Variants in SLC5A3 observed in about 807,000 individuals in gnomAD.
SLC5A3 encodes the protein solute carrier family 5 member 3, also known as sodium/myo-inositol cotransporter.
In SLC5A3, 10 loss-of-function variants were observed where a neutral mutation model predicts 43.2. The ratio of observed to expected loss-of-function variants is 0.23; its 90% CI spans 0.14 to 0.39. The LOEUF (loss-of-function observed/expected upper bound fraction) is 0.39. Ranked by LOEUF, SLC5A3 falls within the 10% of genes least tolerant of loss-of-function variation. The pLI is 1.00. For synonymous variants in SLC5A3, 349 were observed against 322.0 expected (o/e 1.08, Z -0.90); for missense variants, 608 against 893.4 (o/e 0.68, Z 4.07).
At chr21:34,081,625 G>A (rs1476966590) in intron 1 of SLC5A3, among the ~76,000 whole-genome samples, 1 of 152,126 alleles carries the variant, frequency 6.6e-6, no homozygotes, top group African/African-American at 2.4e-5. Flanking sequence ...ACTTCCTAAG[G>A]ACTTTAACCT....
chr21:34,079,901 C>T (rs143441845), intron 1 of SLC5A3, among the ~76,000 whole-genome samples: 1 of 152,088 alleles, frequency 6.6e-6, no homozygotes, highest in Non-Finnish European at 1.5e-5. Flanking sequence ...TGTTGCCTAT[C>T]CCCAAAGTTG....
chr21:34,078,602 T>C (rs933576025), intron 1 of SLC5A3, among the ~76,000 whole-genome samples: 31 of 152,284 alleles, frequency 2.0e-4, no homozygotes, highest in African/African-American at 7.0e-4. Flanking sequence ...GATTATAAAA[T>C]CAGTTTCAAA....
chr21:34,093,078 T>C (rs886436196), intron 1 of SLC5A3, among the ~76,000 whole-genome samples: 2 of 152,226 alleles, frequency 1.3e-5, no homozygotes, highest in African/African-American at 4.8e-5. Flanking sequence ...ACTAGTCATC[T>C]GATTAGATTT....
chr21:34,075,133 G>T (rs764564774), intron 1 of SLC5A3, among the ~76,000 whole-genome samples: 4 of 152,244 alleles, frequency 2.6e-5, no homozygotes, highest in Middle Eastern at 3.2e-3. Flanking sequence ...TTTTTAATTA[G>T]GTGGAAGTTG....
chr21:34,088,151 T>A (rs1978490829), intron 1 of SLC5A3, among the ~76,000 whole-genome samples: 1 of 152,254 alleles, frequency 6.6e-6, no homozygotes, highest in Non-Finnish European at 1.5e-5. Flanking sequence ...CTAATTCCTT[T>A]AACTTAATGT....
At chr21:34,076,050 A>G (rs1323297051) in intron 1 of SLC5A3, among the ~76,000 whole-genome samples, 2 of 152,204 alleles carry the variant, frequency 1.3e-5, no homozygotes, top group Admixed American at 6.5e-5. Context: ...ATACCTCTTT[A>G]CCCCTTTAAT....
rs1314795738 is a variant in SLC5A3 at position 34,095,819 on chromosome 21, T to G, written c.621T>G (p.Ile207Met). 1 of 1,614,068 alleles carries G rather than the reference T, an allele frequency of 6.2e-7. No individual in the cohort carries two copies. Among genetic ancestry groups the G allele is most frequent in the Admixed American group, 1.7e-5 (1 of 59,996 alleles). Residue 207 changes from isoleucine (I) to methionine (M), a missense_variant, in exon 2 of 2, where the codon ATT (isoleucine) becomes ATG (methionine). Transcript: ENST00000381151. ...TTATGATTATTAGCATAATGGAGAT[T>G]GGCGGGTTTGAGGAAGTTAAGAGAA... ...LTLMIISIME[I>M]GGFEEVKRRY... is the part of the protein sequence containing the mutation.
chr21:34,105,892 A>T lies in SLC5A3; in HGVS notation c.*8537A>T, dbSNP rs1979454519. 1 of 986,848 alleles carries T rather than the reference A, an allele frequency of 1.0e-6. No homozygotes were observed. 61.1% of individuals were successfully genotyped at this position (986,848 alleles called of 1,614,324 possible). ...TTGTAGATTTAAGATTGTTAAAATC[A>T]TGACAATTCTAACTTGTCTATTCTA... On this transcript the variant is annotated 3_prime_UTR_variant, in exon 2 of 2. Coordinates refer to ENST00000381151, the MANE Select transcript of SLC5A3 (RefSeq NM_006933.7).
At chr21:34,090,182 A>C (rs1297496066) in intron 1 of SLC5A3, among the ~76,000 whole-genome samples, 1 of 152,220 alleles carries the variant, frequency 6.6e-6, no homozygotes, top group Non-Finnish European at 1.5e-5. Flanking sequence ...AACTGGCTGG[A>C]GTTCAGGCCA....
rs147852293 is a variant in SLC5A3, at chr21:34,079,074, G to A, written c.-337+5329G>A. On this transcript the variant is annotated intron_variant, in intron 1 of 1. Coordinates refer to ENST00000381151, the MANE Select transcript of SLC5A3 (RefSeq NM_006933.7). ...GTTAATTCAGCCTCTTATCCTTTTT[G>A]TTGCTTTGAAATTAGAGCAAGAGTT... 1.4e-3 allele frequency among the ~76,000 whole-genome samples: 216 copies of A among 152,308 alleles called. 2 individuals carry two copies. The highest frequency in any genetic ancestry group is 2.4e-4 in the Non-Finnish European group (16 of 68,020).
In SLC5A3 at chr21:34,104,546, A is replaced by G. The variant is rs762488434; in HGVS notation, c.*7191A>G. 4.3e-5 allele frequency: 43 copies of G among 998,526 alleles called. No individual in the cohort carries two copies. Among genetic ancestry groups the G allele is most frequent in the Admixed American group, 6.2e-5 (1 of 16,248 alleles). 61.9% of individuals were successfully genotyped at this position (998,526 alleles called of 1,614,324 possible). A position where few individuals can be genotyped will look rare whatever the true frequency, so the allele number is the denominator to read the frequency against. On this transcript the variant is annotated 3_prime_UTR_variant, in exon 2 of 2. Transcript: ENST00000381151. ...AGACTTGGTCAACTCTAATATATCTAGAAGGAAGACTATATCTGGTGTAGA... is the reference window on the plus strand; with the variant it reads ...AGACTTGGTCAACTCTAATATATCTGGAAGGAAGACTATATCTGGTGTAGA...
chr21:34,087,663 A>C (rs1168318391), intron 1 of SLC5A3, among the ~76,000 whole-genome samples: 2 of 152,238 alleles, frequency 1.3e-5, no homozygotes, highest in Admixed American at 6.5e-5. Context: ...CTGGGGTTAC[A>C]AAGTGTTGCC....
chr21:34,099,377 T>A lies in SLC5A3; in HGVS notation c.*2022T>A. 2.0e-6 allele frequency: 2 copies of A among 1,000,286 alleles called. No individual in the cohort carries two copies. Among genetic ancestry groups the A allele is most frequent in the Non-Finnish European group, 2.4e-6 (2 of 829,998 alleles). The allele number at this position is 1,000,286 out of a possible 1,614,324, so 62.0% of individuals were successfully genotyped here. A position where few individuals can be genotyped will look rare whatever the true frequency, so the allele number is the denominator to read the frequency against. Reference sequence around the variant, plus strand: ...TGTTCAGATGTGTCTGGACAAATGGTTGTCAATGTTTTGTCCTGTTTTTTC... The same window carrying A: ...TGTTCAGATGTGTCTGGACAAATGGATGTCAATGTTTTGTCCTGTTTTTTC... On this transcript the variant is annotated 3_prime_UTR_variant, in exon 2 of 2. Coordinates refer to ENST00000381151, the MANE Select transcript of SLC5A3 (RefSeq NM_006933.7).
chr21:34,095,537 G>T lies in SLC5A3; in HGVS notation c.339G>T (p.Leu113Phe). The change falls in exon 2 of 2, where the codon TTG (leucine) becomes TTT (phenylalanine). Residue 113 changes from leucine to phenylalanine, a missense_variant. Transcript: ENST00000381151. ...GGGTATATACCATGCCTGAATACTTGTCCAAGCGATTTGGTGGCCATAGGA... is the reference window on the plus strand; with the variant it reads ...GGGTATATACCATGCCTGAATACTTTTCCAAGCGATTTGGTGGCCATAGGA... ...RSGVYTMPEY[L>F]SKRFGGHRIQ... 6.2e-7 allele frequency: 1 copy of T among 1,613,796 alleles called. No homozygotes were observed. Among genetic ancestry groups the T allele is most frequent in the Non-Finnish European group, 8.5e-7 (1 of 1,179,982 alleles).
Position 34,101,740 on chromosome 21 carries a change from A to C in SLC5A3, c.*4385A>C, listed in dbSNP as rs1979246160. 1 of 992,436 alleles carries C rather than the reference A, an allele frequency of 1.0e-6. No homozygotes were observed. Among genetic ancestry groups the C allele is most frequent in the East Asian group, 1.1e-4 (1 of 8,792 alleles). 61.5% of individuals were successfully genotyped at this position (992,436 alleles called of 1,614,324 possible). On this transcript the variant is annotated 3_prime_UTR_variant, in exon 2 of 2. Transcript: ENST00000381151. ...TTTAGATCCAAATAATGACTCATTA[A>C]ATATAATTATGTTTTAAGTATACTG...
chr21:34,089,552 A>G (rs1201358491), intron 1 of SLC5A3, among the ~76,000 whole-genome samples: 1 of 152,140 alleles, frequency 6.6e-6, no homozygotes, highest in East Asian at 1.9e-4. Context: ...TCTTGGGCGG[A>G]GTGTATATGG....
In SLC5A3 at chr21:34,096,000, C is replaced by T. The variant is rs752484558; in HGVS notation, c.802C>T (p.Gln268Ter). 1 of 1,614,138 alleles carries T rather than the reference C, an allele frequency of 6.2e-7. No homozygotes were observed. The highest frequency in any genetic ancestry group is 8.5e-7 in the Non-Finnish European group (1 of 1,180,008). ...TCCTTGGCCTGGATTCATTCTTGGGCAGACCCCAGCTTCAGTATGGTACTG... is the reference window on the plus strand; with the variant it reads ...TCCTTGGCCTGGATTCATTCTTGGGTAGACCCCAGCTTCAGTATGGTACTG... ...DVPWPGFILG[Q>*]TPASVWYWCA... Residue 268 changes from glutamine to a stop codon, truncating the protein, a stop_gained, in exon 2 of 2, where the codon CAG becomes TAG. Coordinates refer to ENST00000381151, the MANE Select transcript of SLC5A3 (RefSeq NM_006933.7). LOFTEE classifies it high-confidence loss of function.
intron 1 of SLC5A3, among the ~76,000 whole-genome samples, chr21:34,075,941 G>T (rs1171639178): frequency 6.6e-6 from 1 of 152,332 alleles, no homozygotes; most frequent in African/African-American, 2.4e-5. Context: ...AGAAACCACA[G>T]TTCTAACCCG....
chr21:34,082,399 A>T (rs1292369425), intron 1 of SLC5A3, among the ~76,000 whole-genome samples: 1 of 152,156 alleles, frequency 6.6e-6, no homozygotes, highest in Non-Finnish European at 1.5e-5. Flanking sequence ...TTCACAGTCC[A>T]CTTTTTCTTT....
Sources: allele counts gnomAD v4.1 joint callset (sites outside exome capture counted in the v4.1 genomes callset), GRCh38; gene constraint gnomAD v4.1.1; transcripts MANE v1.5; gene names NCBI Gene and HGNC (gene_info 2026-07-23, HGNC 2026-07-21).